TSPO: variants seen among roughly 807,000 people sequenced by gnomAD.
The protein encoded by TSPO is translocator protein.
In TSPO, 14 loss-of-function variants were observed where a neutral mutation model predicts 13.9. The ratio of observed to expected loss-of-function variants is 1.01; its 90% CI spans 0.67 to 1.58. The LOEUF is 1.58. Among genes scored for constraint, TSPO ranks in the 40% most tolerant of loss-of-function variants. The pLI is 0.00. For synonymous variants in TSPO, 114 were observed against 105.9 expected, an observed-to-expected ratio of 1.08 and a Z score of -0.47; for missense variants, 232 against 229.6, an observed-to-expected ratio of 1.01 and a Z score of -0.07.
intron 2 of TSPO, among the ~76,000 whole-genome samples, chr22:43,159,924 A>AC (rs1931381524): frequency 6.6e-6 from 1 of 151,640 alleles, no homozygotes; most frequent in Non-Finnish European, 1.5e-5. Context: ...GGGGAATTCC[A>AC]CCCGGAAAGG....
intron 1 of TSPO, among the ~76,000 whole-genome samples, chr22:43,154,796 G>A (rs1377577827): frequency 2.0e-5 from 3 of 152,106 alleles, no homozygotes; most frequent in African/African-American, 4.8e-5. Context: ...TGGGGTCTTC[G>A]GGCCAGGAGT....
intron 1 of TSPO, chr22:43,152,272 T>C (rs1489199707): frequency 6.6e-6 from 1 of 152,302 alleles, no homozygotes; most frequent in Non-Finnish European, 1.5e-5. Flanking sequence ...CCAGGGCAGC[T>C]GCCAGAGGCC....
chr22:43,154,112 C>A (rs913674535), intron 1 of TSPO, among the ~76,000 whole-genome samples: 1 of 152,188 alleles, frequency 6.6e-6, no homozygotes, highest in Non-Finnish European at 1.5e-5. Flanking sequence ...TGGATTTTTC[C>A]AGACCTGTGG....
intron 1 of TSPO, among the ~76,000 whole-genome samples, chr22:43,153,714 G>A (rs995039735): frequency 6.6e-6 from 1 of 151,476 alleles, no homozygotes; most frequent in Admixed American, 6.6e-5. Context: ...TGTTTAAAAC[G>A]GTAGTCTTTT....
intron 3 of TSPO, 60 bp downstream of exon 3, chr22:43,161,250 G>C (rs1057387889): frequency 3.7e-5 from 58 of 1,568,460 alleles, no homozygotes; most frequent in Non-Finnish European, 4.9e-5. Context: ...AGGACGTGGG[G>C]CATCACATAT....
intron 1 of TSPO, among the ~76,000 whole-genome samples, chr22:43,157,349 T>C (rs1931285013): frequency 6.7e-6 from 1 of 149,634 alleles, no homozygotes; most frequent in African/African-American, 2.6e-5. Context: ...ACAGGAACGT[T>C]TCTTGCCGGG....
At chr22:43,156,918 C>T (rs2020170542) in intron 1 of TSPO, among the ~76,000 whole-genome samples, 1 of 152,170 alleles carries the variant, frequency 6.6e-6, no homozygotes, top group South Asian at 2.1e-4. Flanking sequence ...AAGGCACGTA[C>T]AGGCACCCTG....
At chr22:43,162,672 C>A in intron 3 of TSPO, 131 bp from the exon 4 acceptor site, 1 of 907,154 alleles carries the variant, frequency 1.1e-6, no homozygotes, top group Non-Finnish European at 1.6e-6. Context: ...TTGGCCAGGT[C>A]ACTCAAGGGT....
At chr22:43,152,913 G>C (rs1256428440) in intron 1 of TSPO, among the ~76,000 whole-genome samples, 3 of 148,532 alleles carry the variant, frequency 2.0e-5, no homozygotes, top group Admixed American at 1.3e-4. Flanking sequence ...GGATCTACCA[G>C]AAAGTATTCA....
intron 2 of TSPO, among the ~76,000 whole-genome samples, chr22:43,160,435 T>C (rs1306477659): frequency 1.3e-5 from 2 of 152,228 alleles, no homozygotes; most frequent in East Asian, 3.8e-4. Context: ...AAGGGGGTGC[T>C]GATACTGCCT....
At chr22:43,153,345 T>C (rs1426773234) in intron 1 of TSPO, among the ~76,000 whole-genome samples, 1 of 50,438 alleles carries the variant, frequency 2.0e-5, no homozygotes. Flanking sequence ...TCTTTTTTTT[T>C]TTTTTTTTTT....
At chr22:43,152,887 G>A (rs943885388) in intron 1 of TSPO, among the ~76,000 whole-genome samples, 3 of 152,238 alleles carry the variant, frequency 2.0e-5, no homozygotes, top group African/African-American at 7.2e-5. Context: ...CCTGGCGTGA[G>A]GCAGGATGTC....
At chr22:43,162,484 G>A (rs543305650) in intron 3 of TSPO, among the ~76,000 whole-genome samples, 4 of 152,192 alleles carry the variant, frequency 2.6e-5, no homozygotes, top group South Asian at 2.1e-4. Flanking sequence ...TCTCAGTGGA[G>A]GCTCTAAGCT....
At chr22:43,155,341 C>T (rs956156996) in intron 1 of TSPO, among the ~76,000 whole-genome samples, 4 of 152,210 alleles carry the variant, frequency 2.6e-5, no homozygotes, top group Non-Finnish European at 5.9e-5. Context: ...AGGCCCCTGC[C>T]TACCAGAGGC....
chr22:43,154,098 G>A (rs545589186), intron 1 of TSPO, among the ~76,000 whole-genome samples: 3 of 152,262 alleles, frequency 2.0e-5, no homozygotes, highest in South Asian at 4.1e-4. Flanking sequence ...GGCCAGGTTC[G>A]CTGTGGATTT....
chr22:43,161,557 G>A (rs62232064), intron 3 of TSPO, among the ~76,000 whole-genome samples: 4,880 of 150,228 alleles, frequency 0.032, 109 homozygotes, highest in South Asian at 0.087. Flanking sequence ...GTGAGATCTC[G>A]GCCCACTGCA....
intron 1 of TSPO, among the ~76,000 whole-genome samples, chr22:43,153,787 A>G (rs1427501941): frequency 1.3e-5 from 2 of 150,128 alleles, no homozygotes; most frequent in African/African-American, 4.9e-5. Context: ...ATTTTTATTT[A>G]TATATATATT....
At chr22:43,157,289 G>C (rs925655195) in intron 1 of TSPO, among the ~76,000 whole-genome samples, 1 of 135,936 alleles carries the variant, frequency 7.4e-6, no homozygotes, top group African/African-American at 3.7e-5. Flanking sequence ...GCAGGAGGGC[G>C]GGGCGGGGCA....
rs546066736 is a variant in TSPO, at chr22:43,163,234, C to A, written c.*243C>A. The A allele has an allele frequency of 3.5e-4, 450 of 1,270,338 alleles. 10 individuals are homozygous for A. In the South Asian group the frequency reaches 6.6e-3, roughly 19 times the overall value. The allele number at this position is 1,270,338 out of a possible 1,614,324, so 78.7% of individuals were successfully genotyped here. On this transcript the variant is annotated 3_prime_UTR_variant, in exon 4 of 4. Transcript: ENST00000337554. ...TTTATAAGCTGAATAAAGTTTTTGACTTCCTTTACCATGGCCTTTTTGCTT... is the reference window on the plus strand; with the variant it reads ...TTTATAAGCTGAATAAAGTTTTTGAATTCCTTTACCATGGCCTTTTTGCTT...
Sources: allele counts gnomAD v4.1 joint callset (sites outside exome capture counted in the v4.1 genomes callset), GRCh38; gene constraint gnomAD v4.1.1; transcripts MANE v1.5; gene names NCBI Gene and HGNC (gene_info 2026-07-23, HGNC 2026-07-21).